Variants in MACROD2 observed in about 807,000 individuals in gnomAD.
MACROD2 encodes the protein ADP-ribose glycohydrolase MACROD2.
Under a neutral mutation model 70.4 loss-of-function variants are expected in MACROD2, and 36 were observed. The ratio of observed to expected loss-of-function variants is 0.51; its 90% CI spans 0.39 to 0.68. The LOEUF (loss-of-function observed/expected upper bound fraction) is 0.68, where lower values mean the gene tolerates loss of function less well. Ranked by LOEUF, MACROD2 falls within the 30% of genes least tolerant of loss-of-function variation. MACROD2 has a pLI of 0.00. For synonymous variants in MACROD2, 172 were observed against 178.8 expected (o/e 0.96, Z 0.30); for missense variants, 496 against 538.4 (o/e 0.92, Z 0.78).
At chr20:14,699,176 C>T (rs1001161967) in intron 5 of MACROD2, among the ~76,000 whole-genome samples, 23 of 152,046 alleles carry the variant, frequency 1.5e-4, no homozygotes, top group Non-Finnish European at 2.9e-4. Flanking sequence ...GGTCCTTTCC[C>T]CCGATACAGA....
chr20:14,504,377 G>A (rs543397598), intron 4 of MACROD2, among the ~76,000 whole-genome samples: 1 of 152,312 alleles, frequency 6.6e-6, no homozygotes, highest in East Asian at 1.9e-4. Context: ...AGGTTAGGAT[G>A]AATAAAATAT....
chr20:14,567,836 T>A (rs1050615709), intron 4 of MACROD2, among the ~76,000 whole-genome samples: 9 of 152,068 alleles, frequency 5.9e-5, no homozygotes, highest in Non-Finnish European at 1.2e-4. Context: ...AGAATTATAA[T>A]CAAAACTTCT....
chr20:15,091,009 C>G (rs2075788585), intron 5 of MACROD2, among the ~76,000 whole-genome samples: 1 of 151,870 alleles, frequency 6.6e-6, no homozygotes, highest in Non-Finnish European at 1.5e-5. Flanking sequence ...AAGTATTGAC[C>G]TTCCCTCCCC....
At chr20:14,470,195 G>T (rs756522670) in intron 3 of MACROD2, among the ~76,000 whole-genome samples, 1 of 151,934 alleles carries the variant, frequency 6.6e-6, no homozygotes, top group African/African-American at 2.4e-5. Flanking sequence ...TCTGCTGCAC[G>T]TCTGCTGGGG....
chr20:15,078,329 C>T (rs975358838), intron 5 of MACROD2, among the ~76,000 whole-genome samples: 2 of 152,086 alleles, frequency 1.3e-5, no homozygotes, highest in Non-Finnish European at 2.9e-5. Context: ...CCAAAGTACC[C>T]CTTCTCCTAA....
chr20:16,027,560 G>T (rs2067098075), intron 15 of MACROD2, among the ~76,000 whole-genome samples: 1 of 152,162 alleles, frequency 6.6e-6, no homozygotes, highest in Non-Finnish European at 1.5e-5. Flanking sequence ...AAGTTTCAAA[G>T]AATTCAGCCT....
chr20:14,178,281 T>C (rs2081279218), intron 3 of MACROD2, among the ~76,000 whole-genome samples: 1 of 152,186 alleles, frequency 6.6e-6, no homozygotes, highest in African/African-American at 2.4e-5. Context: ...TTATACTACA[T>C]AGATATGTAT....
At chr20:14,339,607 A>T (rs1009761080) in intron 3 of MACROD2, among the ~76,000 whole-genome samples, 1 of 152,224 alleles carries the variant, frequency 6.6e-6, no homozygotes, top group African/African-American at 2.4e-5. Flanking sequence ...ATAGGTATCA[A>T]AAATAAATTG....
At chr20:15,867,025 C>G (rs764791950) in intron 9 of MACROD2, among the ~76,000 whole-genome samples, 1 of 152,068 alleles carries the variant, frequency 6.6e-6, no homozygotes, top group African/African-American at 2.4e-5. Context: ...GGCTAGAAGC[C>G]CAAGGCCAAG....
intron 3 of MACROD2, among the ~76,000 whole-genome samples, chr20:14,228,704 C>A (rs2081769685): frequency 6.6e-6 from 1 of 151,908 alleles, no homozygotes; most frequent in Non-Finnish European, 1.5e-5. Flanking sequence ...AAAATTGTCA[C>A]AGAAAAAAAG....
chr20:15,925,357 A>G (rs1166000487), intron 10 of MACROD2, among the ~76,000 whole-genome samples: 4 of 152,214 alleles, frequency 2.6e-5, no homozygotes, highest in Non-Finnish European at 4.4e-5. Context: ...AGGCACTGCA[A>G]CTTCCCCAGG....
At chr20:15,940,829 C>T (rs924861391) in intron 12 of MACROD2, among the ~76,000 whole-genome samples, 7 of 152,036 alleles carry the variant, frequency 4.6e-5, no homozygotes, top group Non-Finnish European at 1.0e-4. Context: ...GTGATCAGAG[C>T]GAAAAGACAG....
chr20:15,317,506 T>TATCC (rs1331084265), intron 6 of MACROD2, among the ~76,000 whole-genome samples: 1 of 147,232 alleles, frequency 6.8e-6, no homozygotes, highest in East Asian at 2.0e-4. Context: ...TCTATCTATC[T>TATCC]ATCTATCTAT....
chr20:14,157,280 A>G (rs1047588338), intron 3 of MACROD2, among the ~76,000 whole-genome samples: 1 of 152,130 alleles, frequency 6.6e-6, no homozygotes, highest in Non-Finnish European at 1.5e-5. Context: ...GATACATAAA[A>G]TTATACATAT....
At chr20:15,224,672 T>A (rs538824978) in intron 5 of MACROD2, among the ~76,000 whole-genome samples, 1 of 152,290 alleles carries the variant, frequency 6.6e-6, no homozygotes, top group South Asian at 2.1e-4. Flanking sequence ...TGGCCGGGTG[T>A]GGTGGCTCAC....
intron 6 of MACROD2, among the ~76,000 whole-genome samples, chr20:15,406,223 G>A (rs942986257): frequency 6.6e-6 from 1 of 152,222 alleles, no homozygotes; most frequent in Non-Finnish European, 1.5e-5. Context: ...GCAAAGTGAG[G>A]ATAGGATGAC....
At chr20:15,734,276 T>C (rs1289452599) in intron 8 of MACROD2, among the ~76,000 whole-genome samples, 3 of 152,098 alleles carry the variant, frequency 2.0e-5, no homozygotes, top group Non-Finnish European at 2.9e-5. Flanking sequence ...AGGTCCAGAT[T>C]TCATGCAGAG....
intron 2 of MACROD2, among the ~76,000 whole-genome samples, chr20:14,033,400 T>A (rs967740724): frequency 1.3e-5 from 2 of 152,200 alleles, no homozygotes; most frequent in African/African-American, 4.8e-5. Flanking sequence ...GTTTTAGATT[T>A]GTCATAGCTG....
At chr20:16,038,212 T>G (rs996990975) in intron 15 of MACROD2, among the ~76,000 whole-genome samples, 30 of 151,906 alleles carry the variant, frequency 2.0e-4, no homozygotes, top group African/African-American at 7.0e-4. Context: ...TTCACAATGA[T>G]TAGACTGAGT....
Sources: allele counts gnomAD v4.1 joint callset (sites outside exome capture counted in the v4.1 genomes callset), GRCh38; gene constraint gnomAD v4.1.1; transcripts MANE v1.5; gene names NCBI Gene and HGNC (gene_info 2026-07-23, HGNC 2026-07-21).